The following ICA1 variants were observed in gnomAD, a reference collection of about 807,000 sequenced individuals.
The protein encoded by ICA1 is islet cell autoantigen 1.
ICA1 carries 40 observed loss-of-function variants against 71.0 expected under a neutral mutation model. That is an observed-to-expected ratio of 0.56 (90% confidence interval 0.44 to 0.73). The LOEUF (loss-of-function observed/expected upper bound fraction) is 0.73, where lower values mean the gene tolerates loss of function less well. Ranked by LOEUF, ICA1 falls within the 30% of genes least tolerant of loss-of-function variation. ICA1 has a pLI of 0.00. For synonymous variants in ICA1, 207 were observed against 209.5 expected (o/e 0.99, Z 0.10); for missense variants, 578 against 576.5 (o/e 1.00, Z -0.03).
At chr7:8,153,023 C>G (rs1800147558) in intron 8 of ICA1, among the ~76,000 whole-genome samples, 1 of 152,036 alleles carries the variant, frequency 6.6e-6, no homozygotes, top group South Asian at 2.1e-4. Context: ...TTGCTTTCAC[C>G]TCCTTTGTCA....
chr7:8,198,596 G>A (rs1788480751), intron 6 of ICA1, among the ~76,000 whole-genome samples: 1 of 152,182 alleles, frequency 6.6e-6, no homozygotes, highest in African/African-American at 2.4e-5. Flanking sequence ...GGTGGTCCAG[G>A]CGAGCGTCAT....
chr7:8,191,526 T>C (rs749985008), intron 6 of ICA1, among the ~76,000 whole-genome samples: 5 of 152,216 alleles, frequency 3.3e-5, no homozygotes, highest in Non-Finnish European at 7.3e-5. Flanking sequence ...TGTAGGCTAA[T>C]GTAGGCATTC....
intron 6 of ICA1, among the ~76,000 whole-genome samples, chr7:8,208,344 C>T (rs954431589): frequency 1.6e-4 from 25 of 152,148 alleles, no homozygotes; most frequent in Admixed American, 2.0e-4. Flanking sequence ...AGCTACACTG[C>T]TCCTGTTTGA....
Position 8,218,498 on chromosome 7 carries a change from G to A in ICA1, c.386C>T (p.Ala129Val). The A allele has an allele frequency of 6.2e-7, 1 of 1,613,968 alleles. No individual in the cohort carries two copies. The change falls in exon 6 of 14, where the codon GCC (alanine) becomes GTC (valine). Residue 129 changes from alanine (A) to valine (V), a missense_variant. Physicochemically the swap from Ala to Val is moderately conservative, Grantham distance 64 (BLOSUM62 0). Transcript: ENST00000402384. ...AAATCGACACAAAGGATTTCGTAAGGCCAACCTAGACAAGAGGACAAAGCC... is the reference window on the plus strand; with the variant it reads ...AAATCGACACAAAGGATTTCGTAAGACCAACCTAGACAAGAGGACAAAGCC... ...ALCFSSQQRLALRNPLCRFHQ... is the reference protein window; with the variant it reads ...ALCFSSQQRLVLRNPLCRFHQ...
rs1788016001 is a variant in ICA1 at position 8,123,939 on chromosome 7, G to A, written c.1330+3934C>T. 6.6e-6 allele frequency among the ~76,000 whole-genome samples: 1 copy of A among 152,168 alleles called. No individual in the cohort carries two copies. The highest frequency in any genetic ancestry group is 1.5e-5 in the Non-Finnish European group (1 of 68,030). Reference sequence around the variant, plus strand: ...CACATCACTTAACCACTGTTCCTCAGTTTCCCAGGCAATAAAACGGATAAT... The same window carrying A: ...CACATCACTTAACCACTGTTCCTCAATTTCCCAGGCAATAAAACGGATAAT... On this transcript the variant is annotated intron_variant, in intron 13 of 13. Coordinates refer to ENST00000402384, the MANE Select transcript of ICA1 (RefSeq NM_001136020.3). This position sits in a 1 kb window ranked among gnomAD's most constrained non-coding sequence, Gnocchi z 4.1.
rs1791177106 is a variant in ICA1 at position 8,130,828 on chromosome 7, T to C, written c.1061-2686A>G. On this transcript the variant is annotated intron_variant, in intron 12 of 13. Coordinates refer to ENST00000402384, the MANE Select transcript of ICA1 (RefSeq NM_001136020.3). The surrounding 1 kb of genome is among the most constrained non-coding windows in gnomAD (Gnocchi z 4.2). ...ACTGTAATAGCTCCATCTTTGTTTT[T>C]ATTGTTTAGGTTTTGTGCTATGGTG... 6.6e-6 allele frequency among the ~76,000 whole-genome samples: 1 copy of C among 152,238 alleles called. No individual in the cohort carries two copies. Among genetic ancestry groups the C allele is most frequent in the South Asian group, 2.1e-4 (1 of 4,830 alleles).
chr7:8,144,574 G>A lies in ICA1; in HGVS notation c.805-602C>T, dbSNP rs1796258878. Among the ~76,000 whole-genome samples the A allele has an allele frequency of 6.6e-6, 1 of 152,094 alleles. No individual in the cohort carries two copies. The highest frequency in any genetic ancestry group is 6.6e-5 in the Admixed American group (1 of 15,262). ...CAAATCTTTGTAGATTAAAATGGGT[G>A]AGAGTCTTCTTTTGGCACATCATTT... On this transcript the variant is annotated intron_variant, in intron 8 of 13. Coordinates refer to ENST00000402384, the MANE Select transcript of ICA1 (RefSeq NM_001136020.3). This position sits in a 1 kb window ranked among gnomAD's most constrained non-coding sequence, Gnocchi z 4.5.
At position 8,128,067 on chromosome 7, in the gene ICA1, A is replaced by T; in HGVS notation, c.1136T>A (p.Ile379Asn). The T allele has an allele frequency of 1.2e-6, 2 of 1,614,172 alleles. No homozygotes were observed. The highest frequency in any genetic ancestry group is 8.5e-7 in the Non-Finnish European group (1 of 1,180,036). Reference sequence around the variant, plus strand: ...CTCTTCCAAGGAGGAAGCATTGAAGATCTCACTCAACAGCAGCAGGTCATC... The same window carrying T: ...CTCTTCCAAGGAGGAAGCATTGAAGTTCTCACTCAACAGCAGCAGGTCATC... The part of the protein sequence containing the change: ...DKDDLLLLSE[I>N]FNASSLEEGE... Residue 379 changes from isoleucine (I) to asparagine (N), a missense_variant, in exon 13 of 14, where the codon ATC becomes AAC. Physicochemically the swap from Ile to Asn is moderately radical, Grantham distance 149 (BLOSUM62 -3). Transcript: ENST00000402384.
Position 8,221,496 on chromosome 7 carries a change from G to A in ICA1, c.257-98C>T, listed in dbSNP as rs1473488982. On this transcript the variant is annotated intron_variant, in intron 4 of 13. Transcript: ENST00000402384. ...TCACAAGGTCCTCTCTCTTCCAGAGGCGAAGACGAGATGAAATTAAATCTA... is the reference window on the plus strand; with the variant it reads ...TCACAAGGTCCTCTCTCTTCCAGAGACGAAGACGAGATGAAATTAAATCTA... The A allele has an allele frequency of 3.7e-6, 5 of 1,356,546 alleles. No individual in the cohort carries two copies. In the Admixed American group the frequency reaches 7.5e-5, roughly 20 times the overall value. 84.0% of individuals were successfully genotyped at this position (1,356,546 alleles called of 1,614,324 possible).
rs1787746261 is a variant in ICA1, at chr7:8,123,355, AGAG to A, written c.1330+4515_1330+4517del. Among the ~76,000 whole-genome samples the A allele has an allele frequency of 6.6e-6, 1 of 152,146 alleles. No homozygotes were observed. Among genetic ancestry groups the A allele is most frequent in the South Asian group, 2.1e-4 (1 of 4,818 alleles). On this transcript the variant is annotated intron_variant, in intron 13 of 13. Transcript: ENST00000402384. This position sits in a 1 kb window ranked among gnomAD's most constrained non-coding sequence, Gnocchi z 4.1. ...GCAGGGGAGAATCCAGGGAGACGACAGAGGAGGAAACTGAAGAGATGAAGGCGG... is the reference window on the plus strand; with the variant it reads ...GCAGGGGAGAATCCAGGGAGACGACAGAGGAAACTGAAGAGATGAAGGCGG...
intron 6 of ICA1, among the ~76,000 whole-genome samples, chr7:8,167,762 T>G (rs1806634650): frequency 6.6e-6 from 1 of 152,168 alleles, no homozygotes; most frequent in East Asian, 1.9e-4. Flanking sequence ...ATGGACATCT[T>G]TACCCAAGTT....
chr7:8,193,068 A>G (rs1786252347), intron 6 of ICA1, among the ~76,000 whole-genome samples: 2 of 152,232 alleles, frequency 1.3e-5, no homozygotes, highest in Admixed American at 6.5e-5. Context: ...GTTTCTAGAT[A>G]TGCTCACTGC....
intron 10 of ICA1, 141 bp downstream of exon 10, chr7:8,141,624 A>G: frequency 1.7e-6 from 1 of 582,486 alleles, no homozygotes; most frequent in Non-Finnish European, 3.1e-6. Flanking sequence ...TTTAGAACTG[A>G]GTCTACAGGA....
intron 13 of ICA1, among the ~76,000 whole-genome samples, chr7:8,115,250 T>C (rs1784422268): frequency 6.6e-6 from 1 of 152,232 alleles, no homozygotes; most frequent in Non-Finnish European, 1.5e-5. Flanking sequence ...AAGTTATTAC[T>C]ATGTAACATT....
At chr7:8,159,714 T>C (rs1034559202) in intron 6 of ICA1, among the ~76,000 whole-genome samples, 3 of 151,728 alleles carry the variant, frequency 2.0e-5, no homozygotes, top group African/African-American at 7.3e-5. Flanking sequence ...AACAAACAAA[T>C]AAACATCCAA....
At position 8,132,961 on chromosome 7, in the gene ICA1, C is replaced by G. The variant is rs746499143; in HGVS notation, c.1061-4819G>C. 2.0e-5 allele frequency among the ~76,000 whole-genome samples: 3 copies of G among 152,238 alleles called. No homozygotes were observed. Among genetic ancestry groups the G allele is most frequent in the Non-Finnish European group, 4.4e-5 (3 of 68,038 alleles). ...TTAGTCTGTGTTATGGTTTGCATAT[C>G]TGTCCCTTCCAAAACTCATGCTGAT... On this transcript the variant is annotated intron_variant, in intron 12 of 13. Transcript: ENST00000402384. The surrounding 1 kb of genome is among the most constrained non-coding windows in gnomAD (Gnocchi z 4.5).
Position 8,138,837 on chromosome 7 carries a change from T to C in ICA1, c.1060+3A>G. On this transcript the variant is annotated splice_donor_region_variant and intron_variant, in intron 12 of 13. Coordinates refer to ENST00000402384, the MANE Select transcript of ICA1 (RefSeq NM_001136020.3). ...TAATCCCAAAGAAACACATAAATCTTACCACCTTCCTCAGATTTCATGTCT... is the reference window on the plus strand; with the variant it reads ...TAATCCCAAAGAAACACATAAATCTCACCACCTTCCTCAGATTTCATGTCT... 6.3e-7 allele frequency: 1 copy of C among 1,596,374 alleles called. No homozygotes were observed. The highest frequency in any genetic ancestry group is 8.6e-7 in the Non-Finnish European group (1 of 1,165,404).
chr7:8,180,059 C>T (rs561342925), intron 6 of ICA1, among the ~76,000 whole-genome samples: 1 of 151,910 alleles, frequency 6.6e-6, no homozygotes, highest in East Asian at 1.9e-4. Flanking sequence ...CACTGAAGTG[C>T]AAAATATACA....
intron 6 of ICA1, among the ~76,000 whole-genome samples, chr7:8,161,714 C>T (rs552930222): frequency 2.6e-5 from 4 of 152,262 alleles, no homozygotes; most frequent in Admixed American, 2.6e-4. Flanking sequence ...GACCAGCTGA[C>T]TCTGAGATAT....
Sources: gnomAD v4.1 joint callset for allele counts (sites outside exome capture counted in the v4.1 genomes callset) on GRCh38, gnomAD v4.1.1 for gene constraint, Gnocchi (gnomAD v3.1) non-coding constraint, MANE v1.5 for transcripts, NCBI Gene and HGNC (gene_info 2026-07-23, HGNC 2026-07-21) for gene names.